Variants in ATG10 observed in about 807,000 individuals in gnomAD.
ATG10 encodes ubiquitin-like-conjugating enzyme ATG10.
A neutral mutation model predicts 32.1 loss-of-function variants in ATG10; 30 were observed. That is an observed-to-expected ratio of 0.94 (90% confidence interval 0.70 to 1.27). The LOEUF (loss-of-function observed/expected upper bound fraction) is 1.27. ATG10 is among the 50% of genes most tolerant of loss of function. The pLI is 0.00. For synonymous variants in ATG10, 87 were observed against 91.5 expected, an observed-to-expected ratio of 0.95 and a Z score of 0.28; for missense variants, 233 against 262.3, an observed-to-expected ratio of 0.89 and a Z score of 0.77.
In ATG10 at chr5:82,085,229, CAAAG is replaced by C. The variant is rs201388928; in HGVS notation, c.216+26630_216+26633del. ...TTGAACTAACAAAGATCAAAAGAGA[CAAAG>C]AAGGCCATTACTTAATGGTAAAGGG... On this transcript the variant is annotated intron_variant, in intron 3 of 7. Transcript: ENST00000282185. Among the ~76,000 whole-genome samples the C allele has an allele frequency of 4.7e-3, 719 of 151,936 alleles. 34 individuals carry two copies. In the East Asian group the frequency reaches 0.12, roughly 25 times the overall value.
At chr5:82,181,091 G>A (rs980316703) in intron 5 of ATG10, among the ~76,000 whole-genome samples, 5 of 151,880 alleles carry the variant, frequency 3.3e-5, no homozygotes, top group Non-Finnish European at 5.9e-5. Flanking sequence ...CCTCCCTATC[G>A]TAGTACGGTA....
intron 3 of ATG10, among the ~76,000 whole-genome samples, chr5:82,072,807 C>T (rs957138452): frequency 5.9e-5 from 9 of 152,074 alleles, no homozygotes; most frequent in Non-Finnish European, 8.8e-5. Flanking sequence ...AAATAATAAA[C>T]GAATGTTTCA....
chr5:82,022,629 C>CT (rs34410757), intron 2 of ATG10, among the ~76,000 whole-genome samples: 60,817 of 135,142 alleles, frequency 0.45, 13,849 homozygotes, highest in Middle Eastern at 0.58. Context: ...AGCCAGTACT[C>CT]TTTTTTTTTT....
chr5:82,212,908 G>T (rs1331373322), intron 5 of ATG10, among the ~76,000 whole-genome samples: 1 of 152,140 alleles, frequency 6.6e-6, no homozygotes, highest in African/African-American at 2.4e-5. Flanking sequence ...TAATATACCA[G>T]TGACTCTAAA....
At chr5:82,025,433 G>C (rs1210982467) in intron 2 of ATG10, among the ~76,000 whole-genome samples, 1 of 152,166 alleles carries the variant, frequency 6.6e-6, no homozygotes, top group Non-Finnish European at 1.5e-5. Flanking sequence ...CTTCAGTATA[G>C]CATTCAAGAA....
At chr5:82,155,928 C>G (rs1357557616) in intron 3 of ATG10, among the ~76,000 whole-genome samples, 1 of 151,980 alleles carries the variant, frequency 6.6e-6, no homozygotes, top group African/African-American at 2.4e-5. Flanking sequence ...CACAAATCTA[C>G]TGTTGAATAT....
chr5:81,979,476 C>A (rs1001952857), intron 1 of ATG10, among the ~76,000 whole-genome samples: 1 of 151,942 alleles, frequency 6.6e-6, no homozygotes, highest in Non-Finnish European at 1.5e-5. Context: ...TGCAGTGAGC[C>A]GAGATAGCAC....
intron 2 of ATG10, among the ~76,000 whole-genome samples, chr5:82,046,703 A>T (rs1763246268): frequency 6.6e-6 from 1 of 152,202 alleles, no homozygotes; most frequent in South Asian, 2.1e-4. Flanking sequence ...TTCACTAAAA[A>T]CTGGGAAAGT....
At chr5:82,090,097 A>C (rs1764831793) in intron 3 of ATG10, among the ~76,000 whole-genome samples, 1 of 151,934 alleles carries the variant, frequency 6.6e-6, no homozygotes, top group Non-Finnish European at 1.5e-5. Context: ...CCAAACAAAA[A>C]CAGTTATAAC....
In ATG10 at chr5:82,197,672, C is replaced by T. The variant is rs542992446; in HGVS notation, c.453+19085C>T. ...CTCCAATGGTTAATTGCATCCTTCT[C>T]TGATTATACCTTACCTCTCTGTCCC... is the stretch of plus-strand genomic sequence containing the variant. On this transcript the variant is annotated intron_variant, in intron 5 of 7. Coordinates refer to ENST00000282185, the MANE Select transcript of ATG10 (RefSeq NM_031482.5). Among the ~76,000 whole-genome samples the T allele has an allele frequency of 1.8e-4, 28 of 152,194 alleles. 1 individual carries two copies. The highest frequency in any genetic ancestry group is 1.7e-3 in the South Asian group (8 of 4,822).
intron 2 of ATG10, among the ~76,000 whole-genome samples, chr5:82,052,443 C>T (rs1763461910): frequency 6.6e-6 from 1 of 152,098 alleles, no homozygotes; most frequent in Non-Finnish European, 1.5e-5. Context: ...TTCTATAAGA[C>T]CTATAGGACA....
intron 4 of ATG10, among the ~76,000 whole-genome samples, chr5:82,175,907 A>C (rs112468422): frequency 2.7e-3 from 408 of 151,752 alleles, no homozygotes; most frequent in African/African-American, 8.0e-3. Context: ...ACACACACAC[A>C]CCCCAAGGCA....
chr5:82,198,044 A>T (rs1002470567), intron 5 of ATG10, among the ~76,000 whole-genome samples: 6 of 152,118 alleles, frequency 3.9e-5, no homozygotes, highest in Admixed American at 3.9e-4. Context: ...GCATAGGAGG[A>T]TTGGGCCTGG....
intron 5 of ATG10, among the ~76,000 whole-genome samples, chr5:82,246,973 T>A (rs1323694390): frequency 6.6e-6 from 1 of 152,226 alleles, no homozygotes; most frequent in African/African-American, 2.4e-5. Context: ...TATGTCATTC[T>A]GCTCCTATCT....
chr5:82,095,237 T>G (rs916288695), intron 3 of ATG10, among the ~76,000 whole-genome samples: 1 of 152,124 alleles, frequency 6.6e-6, no homozygotes, highest in Non-Finnish European at 1.5e-5. Context: ...TGGATCTGAG[T>G]CTGAGCCCTC....
chr5:82,142,844 G>T (rs1298450573), intron 3 of ATG10, among the ~76,000 whole-genome samples: 3 of 152,160 alleles, frequency 2.0e-5, no homozygotes, highest in Non-Finnish European at 4.4e-5. Context: ...TGATAAATAT[G>T]GAGTAGAAGG....
chr5:82,104,115 A>T (rs909660171), intron 3 of ATG10, among the ~76,000 whole-genome samples: 11 of 151,914 alleles, frequency 7.2e-5, no homozygotes, highest in Non-Finnish European at 1.6e-4. Flanking sequence ...TGTTCCTTCC[A>T]TTTTTTGGCT....
At chr5:82,075,507 AT>A (rs938849856) in intron 3 of ATG10, among the ~76,000 whole-genome samples, 1 of 152,220 alleles carries the variant, frequency 6.6e-6, no homozygotes, top group Non-Finnish European at 1.5e-5. Flanking sequence ...CTAATTTAGA[AT>A]TTGTTAATCT....
chr5:82,041,266 G>C (rs1763074266), intron 2 of ATG10, among the ~76,000 whole-genome samples: 1 of 152,078 alleles, frequency 6.6e-6, no homozygotes, highest in Non-Finnish European at 1.5e-5. Context: ...TTTATTTGCT[G>C]TTTCCCATAT....
Sources: allele counts gnomAD v4.1 joint callset (sites outside exome capture counted in the v4.1 genomes callset), GRCh38; gene constraint gnomAD v4.1.1; transcripts MANE v1.5; gene names NCBI Gene and HGNC (gene_info 2026-07-23, HGNC 2026-07-21).